ACR: variants seen among roughly 807,000 people sequenced by gnomAD.
ACR encodes the protein acrosin.
In ACR, 17 loss-of-function variants were observed where a neutral mutation model predicts 26.0. That is an observed-to-expected ratio of 0.65 (90% CI 0.45 to 0.98). ACR has a LOEUF of 0.98. ACR is among the 50% of genes least tolerant of loss of function. The pLI, the probability that ACR is intolerant of heterozygous loss-of-function variation, is 0.00. For synonymous variants in ACR, 199 were observed against 207.7 expected (o/e 0.96, Z 0.36); for missense variants, 435 against 519.3 (o/e 0.84, Z 1.58).
chr22:50,740,512 C>T (rs2083420570), intron 3 of ACR: 3 of 683,630 alleles, frequency 4.4e-6, no homozygotes, highest in Admixed American at 4.1e-5. Flanking sequence ...AGTCATAGCA[C>T]CAAATCTACC....
chr22:50,742,274 G>A (rs1339048367), intron 3 of ACR, among the ~76,000 whole-genome samples: 1 of 152,134 alleles, frequency 6.6e-6, no homozygotes, highest in South Asian at 2.1e-4. Context: ...GCCGGGCGCG[G>A]TGGCTCACTC....
chr22:50,739,399 G>A lies in ACR; in HGVS notation c.206G>A (p.Arg69Lys). 1.2e-6 allele frequency: 2 copies of A among 1,614,202 alleles called. No individual in the cohort carries two copies. The highest frequency in any genetic ancestry group is 1.7e-6 in the Non-Finnish European group (2 of 1,180,030). ...SLQIFTYNSHRYHTCGGSLLN... is the reference protein window; with the variant it reads ...SLQIFTYNSHKYHTCGGSLLN... Reference sequence around the variant, plus strand: ...CAGATCTTCACGTACAACAGCCACAGGTACCACACATGTGGAGGCAGCTTG... The same window carrying A: ...CAGATCTTCACGTACAACAGCCACAAGTACCACACATGTGGAGGCAGCTTG... Residue 69 changes from arginine to lysine, a missense_variant, in exon 2 of 5, where the codon AGG (arginine) becomes AAG (lysine). Arg to Lys is a conservative substitution (Grantham distance 26). Coordinates refer to ENST00000216139, the MANE Select transcript of ACR (RefSeq NM_001097.3). The surrounding 1 kb of genome is among the most constrained non-coding windows in gnomAD (Gnocchi z 5.5).
Position 50,739,978 on chromosome 22 carries a change from G to A in ACR, c.565+1G>A. 1 of 1,613,344 alleles carries A rather than the reference G, an allele frequency of 6.2e-7. No homozygotes were observed. The highest frequency in any genetic ancestry group is 8.5e-7 in the Non-Finnish European group (1 of 1,180,004). ...GGCTGGGGATATATAGAAGAGAAAG[G>A]TGAGTATGGGAGCGCCTCCAAGGGG... On this transcript the variant is annotated splice_donor_variant, in intron 3 of 4. Transcript: ENST00000216139. LOFTEE classifies it high-confidence loss of function. This position sits in a 1 kb window ranked among gnomAD's most constrained non-coding sequence, Gnocchi z 5.5.
chr22:50,743,832 C>CCTTCCTCT (rs2083437429), intron 3 of ACR, among the ~76,000 whole-genome samples: 1 of 152,178 alleles, frequency 6.6e-6, no homozygotes, highest in South Asian at 2.1e-4. Flanking sequence ...CTCCACCCTT[C>CCTTCCTCT]CTTCCTCTCT....
At chr22:50,740,598 T>C in intron 3 of ACR, 1 of 702,500 alleles carries the variant, frequency 1.4e-6, no homozygotes, top group African/African-American at 1.7e-5. Context: ...TTTCTGTGGG[T>C]CATAGGCATC....
intron 3 of ACR, among the ~76,000 whole-genome samples, chr22:50,742,522 C>T (rs1170130563): frequency 3.6e-5 from 5 of 137,906 alleles, no homozygotes; most frequent in South Asian, 2.3e-4. Context: ...CCAGCCTGGG[C>T]GACAGAGCAA....
At position 50,740,014 on chromosome 22, in the gene ACR, G is replaced by A. The variant is rs1349799758; in HGVS notation, c.565+37G>A. The A allele has an allele frequency of 1.9e-6, 3 of 1,611,212 alleles. No individual in the cohort carries two copies. The Admixed American group carries it at 5.0e-5, about 27-fold the overall frequency. On this transcript the variant is annotated intron_variant, in intron 3 of 4. Coordinates refer to ENST00000216139, the MANE Select transcript of ACR (RefSeq NM_001097.3). ...AGCGCCTCCAAGGGGGGACGCTGCTGGCCATTCTCCTGGTGGTCTTTGAGG... is the reference window on the plus strand; with the variant it reads ...AGCGCCTCCAAGGGGGGACGCTGCTAGCCATTCTCCTGGTGGTCTTTGAGG...
In ACR at chr22:50,744,954, G is replaced by A. The variant is rs773438105; in HGVS notation, c.1013G>A (p.Arg338Gln). Residue 338 changes from arginine to glutamine, a missense_variant, in exon 5 of 5, where the codon CGA becomes CAA. This residue lies in a region of ACR where 92 missense variants were observed against 87.8 expected (regional missense o/e 1.05). Coordinates refer to ENST00000216139, the MANE Select transcript of ACR (RefSeq NM_001097.3). ...FQPPPRPLPP[R>Q]PPAAQPRPPP... Reference sequence around the variant, plus strand: ...CCGCCCCCTCGACCACTTCCACCCCGACCACCGGCAGCCCAGCCCCGACCC... The same window carrying A: ...CCGCCCCCTCGACCACTTCCACCCCAACCACCGGCAGCCCAGCCCCGACCC... The A allele has an allele frequency of 3.1e-5, 44 of 1,423,346 alleles. No individual in the cohort carries two copies. Among genetic ancestry groups the A allele is most frequent in the Middle Eastern group, 2.3e-4 (1 of 4,368 alleles). The allele number at this position is 1,423,346 out of a possible 1,614,324, so 88.2% of individuals were successfully genotyped here. A position where few individuals can be genotyped will look rare whatever the true frequency, so the allele number is the denominator to read the frequency against.
At chr22:50,740,208 C>T (rs940751097) in intron 3 of ACR, 5 of 653,388 alleles carry the variant, frequency 7.7e-6, no homozygotes, top group African/African-American at 1.8e-5. Flanking sequence ...CAGAGCGCAG[C>T]GTTGCTTAGA....
In ACR at chr22:50,739,128, C is replaced by T. The variant is rs146910789; in HGVS notation, c.78-143C>T. 1.2e-3 allele frequency: 832 copies of T among 704,358 alleles called. 9 individuals are homozygous for T. In the African/African-American group the frequency reaches 0.013, roughly 11 times the overall value. The allele number at this position is 704,358 out of a possible 1,614,324, so 43.6% of individuals were successfully genotyped here. On this transcript the variant is annotated intron_variant, in intron 1 of 4. Transcript: ENST00000216139. This position sits in a 1 kb window ranked among gnomAD's most constrained non-coding sequence, Gnocchi z 5.5. ...CTAGAGCCTGCGGCTTCCTACATAG[C>T]GCAGGCTGCCCCTGCTTTCCCAGAA...
In ACR at chr22:50,739,958, G is replaced by T; in HGVS notation, c.546G>T (p.Trp182Cys). The change falls in exon 3 of 5, where the codon TGG becomes TGT. Residue 182 changes from tryptophan to cysteine, a missense_variant. By Grantham distance (215) the Trp-to-Cys change is radical. Around this residue, in one of 3 missense-constraint regions of ACR, gnomAD observed 314 missense variants for 372.0 expected, o/e 0.84. Transcript: ENST00000216139. The surrounding 1 kb of genome is among the most constrained non-coding windows in gnomAD (Gnocchi z 5.5). ...RGSQSCWVAG[W>C]GYIEEKAPRP... ...CCCAGAGCTGCTGGGTGGCCGGCTG[G>T]GGATATATAGAAGAGAAAGGTGAGT... 6.2e-7 allele frequency: 1 copy of T among 1,613,758 alleles called. No homozygotes were observed. Among genetic ancestry groups the T allele is most frequent in the South Asian group, 1.1e-5 (1 of 91,070 alleles).
rs553195278 is a variant in ACR, at chr22:50,740,165, G to T, written c.565+188G>T. On this transcript the variant is annotated intron_variant, in intron 3 of 4. Transcript: ENST00000216139. ...GGTCACGTGATGGGTGACTCGTCTG[G>T]CTGTCTACGGGGGGGCTGACAGCAG... is the stretch of plus-strand genomic sequence containing the variant. 1.0e-4 allele frequency: 80 copies of T among 765,210 alleles called. 1 individual carries two copies. The South Asian group carries it at 1.1e-3, about 10-fold the overall frequency. The allele number at this position is 765,210 out of a possible 1,614,324, so 47.4% of individuals were successfully genotyped here. A position where few individuals can be genotyped will look rare whatever the true frequency, so the allele number is the denominator to read the frequency against.
rs368710046 is a variant in ACR at position 50,739,870 on chromosome 22, C to T, written c.458C>T (p.Ser153Leu). The stretch of plus-strand genomic sequence containing the variant: ...CTCGTGGAGATCACCCCTCCCATTT[C>T]GTGTGGGCGCTTCATTGGGCCGGGC... ...IALVEITPPI[S>L]CGRFIGPGCL... The change falls in exon 3 of 5, where the codon TCG becomes TTG. Residue 153 changes from serine (S) to leucine (L), a missense_variant. By Grantham distance (145) the Ser-to-Leu change is moderately radical. This residue lies in a region of ACR where 314 missense variants were observed against 372.0 expected (regional missense o/e 0.84). Transcript: ENST00000216139. The surrounding 1 kb of genome is among the most constrained non-coding windows in gnomAD (Gnocchi z 5.5). The T allele has an allele frequency of 1.5e-5, 24 of 1,612,318 alleles. No homozygotes were observed. Among genetic ancestry groups the T allele is most frequent in the Admixed American group, 8.4e-5 (5 of 59,856 alleles).
At chr22:50,743,072 G>T in intron 3 of ACR, among the ~76,000 whole-genome samples, 1 of 152,058 alleles carries the variant, frequency 6.6e-6, no homozygotes, top group Middle Eastern at 3.4e-3. Context: ...GTCTCGCTCT[G>T]TGGCCCGGGC....
intron 3 of ACR, among the ~76,000 whole-genome samples, chr22:50,743,032 C>T (rs1347058948): frequency 6.6e-6 from 1 of 151,956 alleles, no homozygotes; most frequent in Non-Finnish European, 1.5e-5. Flanking sequence ...GAGAGTCCAG[C>T]GCTTTCTTTC....
In ACR at chr22:50,739,429, A is replaced by G; in HGVS notation, c.236A>G (p.Asn79Ser). Residue 79 changes from asparagine to serine, a missense_variant, in exon 2 of 5, where the codon AAT becomes AGT. Transcript: ENST00000216139. This position sits in a 1 kb window ranked among gnomAD's most constrained non-coding sequence, Gnocchi z 5.5. ...RYHTCGGSLL[N>S]SRWVLTAAHC... ...CACACATGTGGAGGCAGCTTGCTGA[A>G]TTCACGATGGGTGCTCACTGCTGCT... is the stretch of plus-strand genomic sequence containing the variant. 2 of 1,614,240 alleles carry G rather than the reference A, an allele frequency of 1.2e-6. No homozygotes were observed. The highest frequency in any genetic ancestry group is 1.7e-6 in the Non-Finnish European group (2 of 1,180,038).
intron 1 of ACR, 148 bp downstream of exon 1, chr22:50,738,460 A>G: frequency 1.3e-6 from 1 of 782,258 alleles, no homozygotes; most frequent in Non-Finnish European, 2.1e-6. Flanking sequence ...GAGCCCCCAG[A>G]CCCTCAGCTT....
chr22:50,744,283 A>C, intron 4 of ACR, 77 bp downstream of exon 4: 1 of 1,229,344 alleles, frequency 8.1e-7, no homozygotes, highest in Non-Finnish European at 1.2e-6. Flanking sequence ...CTCCTTTTGG[A>C]TCCCCAAGCT....
chr22:50,739,583 T>G lies in ACR; in HGVS notation c.281+109T>G, dbSNP rs2083415016. ...TCCCTGGGGCTCTGGGCCAAGTGGC[T>G]GCAAGACTCCGGGGGCTGGTCCAGA... On this transcript the variant is annotated intron_variant, in intron 2 of 4. Transcript: ENST00000216139. This position sits in a 1 kb window ranked among gnomAD's most constrained non-coding sequence, Gnocchi z 5.5. The G allele has an allele frequency of 2.6e-6, 4 of 1,566,012 alleles. No homozygotes were observed. The South Asian group carries it at 4.7e-5, about 19-fold the overall frequency.
Sources: gnomAD v4.1 joint callset for allele counts (sites outside exome capture counted in the v4.1 genomes callset) on GRCh38, gnomAD v4.1.1 for gene constraint, gnomAD v4.1.1 regional missense constraint, Gnocchi (gnomAD v3.1) non-coding constraint, MANE v1.5 for transcripts, NCBI Gene and HGNC (gene_info 2026-07-23, HGNC 2026-07-21) for gene names.